CAPN2: variants seen among roughly 807,000 people sequenced by gnomAD.
The protein encoded by CAPN2 is calpain 2, also known as calpain-2 catalytic subunit.
Under a neutral mutation model 102.3 loss-of-function variants are expected in CAPN2, and 92 were observed. The ratio of observed to expected loss-of-function variants is 0.90; its 90% CI spans 0.76 to 1.07. CAPN2 has a LOEUF of 1.07. CAPN2 is among the 50% of genes least tolerant of loss of function. The pLI is 0.00. For synonymous variants in CAPN2, 340 were observed against 355.4 expected, an observed-to-expected ratio of 0.96 and a Z score of 0.49; for missense variants, 800 against 909.4, an observed-to-expected ratio of 0.88 and a Z score of 1.55.
intron 6 of CAPN2, among the ~76,000 whole-genome samples, chr1:223,750,292 GTTGCAGACGTTATGACAC>G (rs1246030802): frequency 1.3e-5 from 2 of 152,182 alleles, no homozygotes; most frequent in Non-Finnish European, 2.9e-5. Flanking sequence ...ATGAAAGTAA[GTTGCAGACGTTATGACAC>G]TTCCCTCCTC....
Position 223,752,135 on chromosome 1 carries a change from C to G in CAPN2, c.974+64C>G. On this transcript the variant is annotated intron_variant, in intron 8 of 20. Coordinates refer to ENST00000295006, the MANE Select transcript of CAPN2 (RefSeq NM_001748.5). ...CCCAATGTTCTTTACTAGAAAACTG[C>G]TAATTAGAAAGAGTGTCGGCCAAAG... is the stretch of plus-strand genomic sequence containing the variant. The G allele has an allele frequency of 2.6e-6, 3 of 1,149,500 alleles. No individual in the cohort carries two copies. In the South Asian group the frequency reaches 3.8e-5, roughly 15 times the overall value. 71.2% of individuals were successfully genotyped at this position (1,149,500 alleles called of 1,614,324 possible). A position where few individuals can be genotyped will look rare whatever the true frequency, so the allele number is the denominator to read the frequency against.
At chr1:223,728,237 C>A (rs1225810981) in intron 2 of CAPN2, among the ~76,000 whole-genome samples, 3 of 152,174 alleles carry the variant, frequency 2.0e-5, no homozygotes, top group Non-Finnish European at 4.4e-5. Flanking sequence ...CTCTCCCGCT[C>A]TCTCAAGTGG....
In CAPN2 at chr1:223,747,034, A is replaced by G. The variant is rs1428146594; in HGVS notation, c.598A>G (p.Thr200Ala). 6.2e-7 allele frequency: 1 copy of G among 1,613,934 alleles called. No individual in the cohort carries two copies. The change falls in exon 5 of 21, where the codon ACC (threonine) becomes GCC (alanine). Residue 200 changes from threonine (T) to alanine (A), a missense_variant. Thr to Ala is a moderately conservative substitution (Grantham distance 58). Coordinates refer to ENST00000295006, the MANE Select transcript of CAPN2 (RefSeq NM_001748.5). ...CTATGAAGCGCTATCAGGGGGTGCC[A>G]CCACTGAGGGCTTCGAAGACTTCAC... The part of the protein sequence containing the change: ...GCYEALSGGA[T>A]TEGFEDFTGG...
chr1:223,706,464 G>A (rs1000555017), intron 1 of CAPN2, among the ~76,000 whole-genome samples: 2 of 152,156 alleles, frequency 1.3e-5, no homozygotes, highest in East Asian at 1.9e-4. Context: ...TTCAAATCAC[G>A]GACCTGAAAG....
Position 223,712,790 on chromosome 1 carries a change from C to T in CAPN2, c.150C>T (p.Ser50=). Residue 50 remains serine, a synonymous_variant, in exon 1 of 21, where the codon TCC becomes TCT. Transcript: ENST00000295006. ...LEAGTLFQDP[S]FPAIPSALGF... is the part of the protein sequence containing the mutation. Reference sequence around the variant, plus strand: ...CCGGGACGCTCTTCCAGGACCCGTCCTTCCCGGCCATCCCCTCGGCCCTGG... The same window carrying T: ...CCGGGACGCTCTTCCAGGACCCGTCTTTCCCGGCCATCCCCTCGGCCCTGG... The T allele has an allele frequency of 1.3e-6, 2 of 1,582,082 alleles. No homozygotes were observed. The highest frequency in any genetic ancestry group is 1.7e-6 in the Non-Finnish European group (2 of 1,166,688).
At chr1:223,718,845 G>C (rs1479276216) in intron 2 of CAPN2, among the ~76,000 whole-genome samples, 1 of 152,192 alleles carries the variant, frequency 6.6e-6, no homozygotes, top group Non-Finnish European at 1.5e-5. Flanking sequence ...CCATTTTATA[G>C]ATGAGGATGC....
intron 2 of CAPN2, among the ~76,000 whole-genome samples, 187 bp from the exon 3 acceptor site, chr1:223,743,912 AC>A (rs1660685288): frequency 6.6e-6 from 1 of 152,206 alleles, no homozygotes; most frequent in Admixed American, 6.5e-5. Flanking sequence ...AATCACAATT[AC>A]TTTTACACCA....
chr1:223,766,262 C>T (rs1571818895), intron 15 of CAPN2, 105 bp from the exon 16 acceptor site: 3 of 817,474 alleles, frequency 3.7e-6, no homozygotes, highest in Non-Finnish European at 2.1e-6. Flanking sequence ...GAAGTGGCTT[C>T]TGTATGTGAA....
At chr1:223,753,608 C>T (rs1013909532) in intron 9 of CAPN2, among the ~76,000 whole-genome samples, 6 of 152,066 alleles carry the variant, frequency 3.9e-5, no homozygotes, top group Non-Finnish European at 7.3e-5. Context: ...GTGTTTTGTA[C>T]ACAGGGTGAG....
rs374399304 is a variant in CAPN2, at chr1:223,758,694, TG to T, written c.1318-575del. ...GTTTTTTGGTAGAAAGTTTGCTTTT[TG>T]TTTTTTTTTTTTTTAAGACAAGGTC... On this transcript the variant is annotated intron_variant, in intron 11 of 20. Transcript: ENST00000295006. 8.7e-4 allele frequency: 131 copies of T among 151,428 alleles called. 1 individual carries two copies. Among genetic ancestry groups the T allele is most frequent in the African/African-American group, 2.4e-3 (97 of 40,530 alleles). 9.4% of individuals were successfully genotyped at this position (151,428 alleles called of 1,614,324 possible).
rs1558059751 is a variant in CAPN2 at position 223,717,811 on chromosome 1, A to G, written c.287A>G (p.Asp96Gly). ...ATCATTGGAGGAGCCACCCGCACAG[A>G]CATCTGCCAAGGAGCCCTGGGTAAG... ...QFIIGGATRT[D>G]ICQGALGDCW... is the part of the protein sequence containing the mutation. Residue 96 changes from aspartate to glycine, a missense_variant, in exon 2 of 21, where the codon GAC (aspartate) becomes GGC (glycine). Transcript: ENST00000295006. 2.5e-6 allele frequency: 4 copies of G among 1,613,916 alleles called. No homozygotes were observed. Among genetic ancestry groups the G allele is most frequent in the Non-Finnish European group, 3.4e-6 (4 of 1,179,884 alleles).
At position 223,747,184 on chromosome 1, in the gene CAPN2, C is replaced by T. The variant is rs758986562; in HGVS notation, c.729+19C>T. 1.3e-6 allele frequency: 2 copies of T among 1,598,306 alleles called. No homozygotes were observed. The highest frequency in any genetic ancestry group is 1.7e-6 in the Non-Finnish European group (2 of 1,169,714). Reference sequence around the variant, plus strand: ...CATCGACGTAAGTCCAGGCTGCCTTCCCTAGCCTCACCCCATCTGCTCTTG... The same window carrying T: ...CATCGACGTAAGTCCAGGCTGCCTTTCCTAGCCTCACCCCATCTGCTCTTG... On this transcript the variant is annotated intron_variant, in intron 5 of 20. Coordinates refer to ENST00000295006, the MANE Select transcript of CAPN2 (RefSeq NM_001748.5).
In CAPN2 at chr1:223,707,237, T is replaced by TCTCTCTCTCTCTCTCTTCTTCC. The variant is rs1491490665; in HGVS notation, c.3+5427_3+5428insCCTCTCTCTCTCTCTCTTCTTC. ...CACACACATTCTTATTCTCTTATTT[T>TCTCTCTCTCTCTCTCTTCTTCC]CTCTCTCTCTCTCTCTTCTTCTCTC... On this transcript the variant is annotated intron_variant, in intron 1 of 20. Coordinates refer to the CAPN2 transcript ENST00000433674. 2.4e-4 allele frequency among the ~76,000 whole-genome samples: 34 copies of TCTCTCTCTCTCTCTCTTCTTCC among 143,710 alleles called. No individual in the cohort carries two copies. The East Asian group carries it at 5.1e-3, about 21-fold the overall frequency. The allele number at this position is 143,710 out of a possible 152,430, so 94.3% of individuals were successfully genotyped here.
At chr1:223,734,638 C>G (rs1360844714) in intron 2 of CAPN2, among the ~76,000 whole-genome samples, 2 of 152,252 alleles carry the variant, frequency 1.3e-5, no homozygotes, top group African/African-American at 4.8e-5. Context: ...CAGCCGGCAC[C>G]CTTGGCAACC....
intron 13 of CAPN2, 64 bp from the exon 14 acceptor site, chr1:223,762,122 C>CTG: frequency 7.1e-7 from 1 of 1,401,002 alleles, no homozygotes; most frequent in Non-Finnish European, 1.0e-6. Flanking sequence ...CATGGAAGGG[C>CTG]GGGCAGACAC....
At chr1:223,762,399 C>A in intron 14 of CAPN2, 148 bp downstream of exon 14, 1 of 667,970 alleles carries the variant, frequency 1.5e-6, no homozygotes. Context: ...TGGGTTCCAG[C>A]TCAGCCCTCT....
At chr1:223,732,321 C>T (rs1400549216) in intron 2 of CAPN2, among the ~76,000 whole-genome samples, 1 of 152,216 alleles carries the variant, frequency 6.6e-6, no homozygotes, top group African/African-American at 2.4e-5. Context: ...AGAAAATCTA[C>T]TTCATAGAGC....
At position 223,712,560 on chromosome 1, in the gene CAPN2, G is replaced by GGCCCTGGCCGC; in HGVS notation, c.-76_-66dup. The GGCCCTGGCCGC allele has an allele frequency of 2.3e-6, 3 of 1,330,726 alleles. No individual in the cohort carries two copies. Among genetic ancestry groups the GGCCCTGGCCGC allele is most frequent in the African/African-American group, 3.1e-5 (2 of 64,468 alleles). 82.4% of individuals were successfully genotyped at this position (1,330,726 alleles called of 1,614,324 possible). On this transcript the variant is annotated 5_prime_UTR_variant, in exon 1 of 21. Coordinates refer to ENST00000295006, the MANE Select transcript of CAPN2 (RefSeq NM_001748.5). The stretch of plus-strand genomic sequence containing the variant: ...CCGCAGTGGCCGCAGCAGCGCGCCG[G>GGCCCTGGCCGC]GCCCTGGCCGCGCCCCAGCCGAGCG...
At chr1:223,742,081 A>T (rs541252690) in intron 2 of CAPN2, among the ~76,000 whole-genome samples, 7 of 152,218 alleles carry the variant, frequency 4.6e-5, no homozygotes, top group Non-Finnish European at 1.0e-4. Flanking sequence ...TAAGTCATCG[A>T]CTAGAATTCA....
Sources: gnomAD v4.1 joint callset for allele counts (sites outside exome capture counted in the v4.1 genomes callset) on GRCh38, gnomAD v4.1.1 for gene constraint, MANE v1.5 for transcripts, NCBI Gene and HGNC (gene_info 2026-07-23, HGNC 2026-07-21) for gene names.